The following TTN variants were observed in gnomAD, a reference collection of about 807,000 sequenced individuals.
TTN encodes titin.
TTN carries 1,525 observed loss-of-function variants against 3,223.0 expected under a neutral mutation model. The observed-to-expected ratio is 0.47, with a 90% CI of 0.45 to 0.49. The LOEUF is 0.49. TTN is among the 20% of genes least tolerant of loss of function. The probability of loss-of-function intolerance (pLI) is 0.00; values close to 1 mark genes in which losing one functional copy is unlikely to be tolerated. For synonymous variants in TTN, 14,094 were observed against 15,161.0 expected (o/e 0.93, Z 5.17); for missense variants, 40,786 against 43,424.0 (o/e 0.94, Z 5.40).
chr2:178,627,613 T>G (rs2059230659), intron 240 of TTN, among the ~76,000 whole-genome samples: 1 of 151,928 alleles, frequency 6.6e-6, no homozygotes, highest in African/African-American at 2.4e-5. Context: ...CCCTATAGAA[T>G]TATAGTAAAC....
rs794729465 is a variant in TTN at position 178,593,205 on chromosome 2, G to A, written c.59003C>T (p.Pro19668Leu). 36 of 1,613,258 alleles carry A rather than the reference G, an allele frequency of 2.2e-5. No homozygotes were observed. Among genetic ancestry groups the A allele is most frequent in the Non-Finnish European group, 3.0e-5 (35 of 1,179,602 alleles). Reference sequence around the variant, plus strand: ...ATCTTTAGCAAAGACTGGTTTGGATGGTGGGCTTGGATCTCCAATACCAAT... The same window carrying A: ...ATCTTTAGCAAAGACTGGTTTGGATAGTGGGCTTGGATCTCCAATACCAAT... ...NEIGIGDPSP[P>L]SKPVFAKDPI... The change falls in exon 299 of 363, where the codon CCA (proline) becomes CTA (leucine). Residue 19668 changes from proline to leucine, a missense_variant. Transcript: ENST00000589042.
intron 154 of TTN, 39 bp from the exon 155 acceptor site, chr2:178,672,306 A>G (rs2067147954): frequency 6.2e-7 from 1 of 1,605,130 alleles, no homozygotes; most frequent in Admixed American, 1.7e-5. Context: ...TTTTTTAAAC[A>G]CTGAAGAAAT....
At position 178,641,416 on chromosome 2, in the gene TTN, A is replaced by G. The variant is rs2061216749; in HGVS notation, c.40559-101T>C. 4.2e-6 allele frequency: 3 copies of G among 721,456 alleles called. 1 individual carries two copies. Among genetic ancestry groups the G allele is most frequent in the Admixed American group, 6.9e-5 (2 of 29,060 alleles). 44.7% of individuals were successfully genotyped at this position (721,456 alleles called of 1,614,324 possible). A position where few individuals can be genotyped will look rare whatever the true frequency, so the allele number is the denominator to read the frequency against. ...TAATGTACAAAGCAAGGAAAATGAAAAAAAGCATGCTACCTAGCACTCTGG... is the reference window on the plus strand; with the variant it reads ...TAATGTACAAAGCAAGGAAAATGAAGAAAAGCATGCTACCTAGCACTCTGG... On this transcript the variant is annotated intron_variant, in intron 219 of 362. Transcript: ENST00000589042.
intron 113 of TTN, among the ~76,000 whole-genome samples, chr2:178,696,631 C>G (rs961622760): frequency 7.9e-5 from 12 of 151,982 alleles, no homozygotes; most frequent in Non-Finnish European, 1.8e-4. Context: ...CATATTTATA[C>G]AGTTAACCTT....
Position 178,652,518 on chromosome 2 carries a change from C to A in TTN, c.39067G>T (p.Val13023Phe), listed in dbSNP as rs774402932. The change falls in exon 202 of 363, where the codon GTT becomes TTT. Residue 13023 changes from valine (V) to phenylalanine (F), a missense_variant. Val to Phe is a conservative substitution (Grantham distance 50, BLOSUM62 -1). Coordinates refer to ENST00000589042, the MANE Select transcript of TTN (RefSeq NM_001267550.2). ...GCCGCTGGCACTTTCTTTTCAGGAA[C>A]AACTTCTTTCGGAGCCTCTGGCACT... ...VKVPEAPKEVVPEKKVPAAPP... is the reference protein window; with the variant it reads ...VKVPEAPKEVFPEKKVPAAPP... 8.7e-6 allele frequency: 14 copies of A among 1,613,440 alleles called. No individual in the cohort carries two copies. In the African/African-American group the frequency reaches 1.2e-4, roughly 14 times the overall value.
rs2047865333 is a variant in TTN at position 178,581,933 on chromosome 2, T to C, written c.66436A>G (p.Lys22146Glu). The change falls in exon 315 of 363, where the codon AAG becomes GAG. Residue 22146 changes from lysine (K) to glutamate (E), a missense_variant. Physicochemically the swap from Lys to Glu is moderately conservative, Grantham distance 56. Transcript: ENST00000589042. Reference sequence around the variant, plus strand: ...TGAGGGTCCCGAGCATAAGCGGCCTTGGATGCGTCACTGGGTTTGCCTGGT... The same window carrying C: ...TGAGGGTCCCGAGCATAAGCGGCCTCGGATGCGTCACTGGGTTTGCCTGGT... ...AGPGKPSDAS[K>E]AAYARDPQYP... 1 of 1,613,132 alleles carries C rather than the reference T, an allele frequency of 6.2e-7. No homozygotes were observed. Among genetic ancestry groups the C allele is most frequent in the African/African-American group, 1.3e-5 (1 of 74,882 alleles).
chr2:178,591,192 G>C lies in TTN; in HGVS notation c.60533C>G (p.Pro20178Arg). ...AGGAGTAACATCCAGAATATTAATA[G>C]GACCTGTTGGTGGCCCAGGAACATC... Reference protein sequence around the residue: ...VLDVPGPPTGPINILDVTPEH... With the variant: ...VLDVPGPPTGRINILDVTPEH... The change falls in exon 304 of 363, where the codon CCT becomes CGT. Residue 20178 changes from proline (P) to arginine (R), a missense_variant. Coordinates refer to ENST00000589042, the MANE Select transcript of TTN (RefSeq NM_001267550.2). 6.2e-7 allele frequency: 1 copy of C among 1,613,376 alleles called. No individual in the cohort carries two copies. Among genetic ancestry groups the C allele is most frequent in the African/African-American group, 1.3e-5 (1 of 74,988 alleles).
At position 178,715,187 on chromosome 2, in the gene TTN, G is replaced by C; in HGVS notation, c.25999C>G (p.Gln8667Glu). 6.2e-7 allele frequency: 1 copy of C among 1,613,704 alleles called. No individual in the cohort carries two copies. ...GADVHLECEL[Q>E]GTPPFHVSWY... ...GAAACGTGAAATGGGGGAGTGCCCT[G>C]AAGCTCACATTCAAGGTGAACATCA... Residue 8667 changes from glutamine to glutamate, a missense_variant, in exon 90 of 363, where the codon CAG becomes GAG. Coordinates refer to ENST00000589042, the MANE Select transcript of TTN (RefSeq NM_001267550.2).
At position 178,789,409 on chromosome 2, in the gene TTN, C is replaced by A. The variant is rs564526675; in HGVS notation, c.2027G>T (p.Arg676Ile). ...AKEQETILRT[R>I]ETMATRQEQI... is the part of the protein sequence containing the mutation. ...TTCTTGTCTAGTAGCCATAGTTTCTCTAGTTCTCAGTATTGTTTCTTGTTC... is the reference window on the plus strand; with the variant it reads ...TTCTTGTCTAGTAGCCATAGTTTCTATAGTTCTCAGTATTGTTTCTTGTTC... Residue 676 changes from arginine to isoleucine, a missense_variant, in exon 13 of 363, where the codon AGA becomes ATA. Transcript: ENST00000589042. 1 of 1,613,528 alleles carries A rather than the reference C, an allele frequency of 6.2e-7. No homozygotes were observed. Among genetic ancestry groups the A allele is most frequent in the Non-Finnish European group, 8.5e-7 (1 of 1,179,560 alleles).
chr2:178,633,526 T>G lies in TTN; in HGVS notation c.42833A>C (p.Lys14278Thr). The change falls in exon 232 of 363, where the codon AAG becomes ACG. Residue 14278 changes from lysine to threonine, a missense_variant. Transcript: ENST00000589042. ...EIVPSPKYSIKADGLRRILKI... is the reference protein window; with the variant it reads ...EIVPSPKYSITADGLRRILKI... ...TAAGATGCGGCGCAGGCCATCTGCC[T>G]TGATAGAATATTTGGGTGAAGGGAC... 8 of 1,613,466 alleles carry G rather than the reference T, an allele frequency of 5.0e-6. No individual in the cohort carries two copies. The highest frequency in any genetic ancestry group is 6.8e-6 in the Non-Finnish European group (8 of 1,179,620).
At position 178,563,549 on chromosome 2, in the gene TTN, C is replaced by T. The variant is rs765230578; in HGVS notation, c.82583G>A (p.Arg27528Gln). 26 of 1,613,640 alleles carry T rather than the reference C, an allele frequency of 1.6e-5. No individual in the cohort carries two copies. The highest frequency in any genetic ancestry group is 2.2e-5 in the East Asian group (1 of 44,860). Residue 27528 changes from arginine (R) to glutamine (Q), a missense_variant, in exon 326 of 363, where the codon CGG becomes CAG. By Grantham distance (43) the Arg-to-Gln change is conservative (BLOSUM62 1). Transcript: ENST00000589042. This position sits in a 1 kb window ranked among gnomAD's most constrained non-coding sequence, Gnocchi z 4.5. The stretch of plus-strand genomic sequence containing the variant: ...TTCGGTAAGACCAGTTACCCTGAGC[C>T]GCAGATCCGTTAATGTTTTCTTGTT... ...KCNKKTLTDL[R>Q]LRVTGLTEGH...
At position 178,564,116 on chromosome 2, in the gene TTN, C is replaced by T; in HGVS notation, c.82016G>A (p.Cys27339Tyr). 6 of 1,613,764 alleles carry T rather than the reference C, an allele frequency of 3.7e-6. No homozygotes were observed. Among genetic ancestry groups the T allele is most frequent in the Non-Finnish European group, 4.2e-6 (5 of 1,179,736 alleles). ...IQKTTLVVKD[C>Y]IRTDGGQYIL... ...ATATTGTCCTCCATCAGTCCGTATA[C>T]AGTCTTTGACAACAAGAGTTGTTTT... Residue 27339 changes from cysteine to tyrosine, a missense_variant, in exon 326 of 363, where the codon TGT becomes TAT. Transcript: ENST00000589042.
rs752532543 is a variant in TTN at position 178,575,485 on chromosome 2, G to T, written c.70647C>A (p.Val23549=). The T allele has an allele frequency of 7.4e-6, 12 of 1,613,690 alleles. No individual in the cohort carries two copies. Among genetic ancestry groups the T allele is most frequent in the Non-Finnish European group, 1.0e-5 (12 of 1,179,664 alleles). ...GTTTGGGCTTAGGCCATGCCAGGCT[G>T]ACGGTGCTCTTAGTTATGTCCATGA... ...LNIMDITKST[V]SLAWPKPKHD... Residue 23549 remains valine (V), a synonymous_variant, in exon 326 of 363, where the codon GTC becomes GTA. Coordinates refer to ENST00000589042, the MANE Select transcript of TTN (RefSeq NM_001267550.2). The surrounding 1 kb of genome is among the most constrained non-coding windows in gnomAD (Gnocchi z 4.0).
In TTN at chr2:178,569,937, C is replaced by G. The variant is rs1179236670; in HGVS notation, c.76195G>C (p.Ala25399Pro). ...CCTGGTTTATAAATAGGATCACAAGCCTTTTGGTAAGCAGAAGGAGGGCTT... is the reference window on the plus strand; with the variant it reads ...CCTGGTTTATAAATAGGATCACAAGGCTTTTGGTAAGCAGAAGGAGGGCTT... ...EPSPPSAYQK[A>P]CDPIYKPGPP... Residue 25399 changes from alanine (A) to proline (P), a missense_variant, in exon 326 of 363, where the codon GCT becomes CCT. Ala to Pro is a conservative substitution (Grantham distance 27). Coordinates refer to ENST00000589042, the MANE Select transcript of TTN (RefSeq NM_001267550.2). 6.2e-7 allele frequency: 1 copy of G among 1,612,700 alleles called. No individual in the cohort carries two copies. Among genetic ancestry groups the G allele is most frequent in the African/African-American group, 1.3e-5 (1 of 74,848 alleles).
Position 178,732,999 on chromosome 2 carries a change from C to A in TTN, c.16177G>T (p.Asp5393Tyr). 6.2e-7 allele frequency: 1 copy of A among 1,613,570 alleles called. No homozygotes were observed. The highest frequency in any genetic ancestry group is 8.5e-7 in the Non-Finnish European group (1 of 1,179,754). Reference protein sequence around the residue: ...SLPMRVSWFKDGKEIAASDRY... With the variant: ...SLPMRVSWFKYGKEIAASDRY... ...TCAGAAGCAGCTATTTCTTTGCCAT[C>A]CTTAAACCAGGACACCCTCATGGGG... The change falls in exon 55 of 363, where the codon GAT becomes TAT. Residue 5393 changes from aspartate (D) to tyrosine (Y), a missense_variant. By Grantham distance (160) the Asp-to-Tyr change is radical. Coordinates refer to ENST00000589042, the MANE Select transcript of TTN (RefSeq NM_001267550.2).
chr2:178,718,498 C>T lies in TTN; in HGVS notation c.24608G>A (p.Ser8203Asn). Residue 8203 changes from serine to asparagine, a missense_variant, in exon 85 of 363, where the codon AGC becomes AAC. Physicochemically the swap from Ser to Asn is conservative, Grantham distance 46. Coordinates refer to ENST00000589042, the MANE Select transcript of TTN (RefSeq NM_001267550.2). ...TYTGTPPISV[S>N]WIKDEYLISQ... The stretch of plus-strand genomic sequence containing the variant: ...AATAAGATACTCGTCCTTTATCCAG[C>T]TCACTGAGATTGGAGGTGTGCCAGT... 1 of 1,613,704 alleles carries T rather than the reference C, an allele frequency of 6.2e-7. No individual in the cohort carries two copies. The highest frequency in any genetic ancestry group is 8.5e-7 in the Non-Finnish European group (1 of 1,179,746).
rs775539969 is a variant in TTN at position 178,784,300 on chromosome 2, T to C, written c.2545A>G (p.Thr849Ala). Residue 849 changes from threonine to alanine, a missense_variant, in exon 16 of 363, where the codon ACA (threonine) becomes GCA (alanine). Physicochemically the swap from Thr to Ala is moderately conservative, Grantham distance 58 (BLOSUM62 0). Transcript: ENST00000589042. ...TTGGTGATCTTCTGAGCAGAAGATG[T>C]GGCTGACAACTCTTTTTGTAATGTG... Reference protein sequence around the residue: ...IATLQKELSATSSAQKITKSV... With the variant: ...IATLQKELSAASSAQKITKSV... 13 of 1,614,140 alleles carry C rather than the reference T, an allele frequency of 8.1e-6. No homozygotes were observed. The East Asian group carries it at 8.9e-5, about 11-fold the overall frequency.
At position 178,630,346 on chromosome 2, in the gene TTN, C is replaced by T. The variant is rs767831350; in HGVS notation, c.44176G>A (p.Gly14726Ser). ...TGCAAAACAAGGGAGTGTATTTTGC[C>T]TTCTTCCTTAATTTCACAATCCTGT... Reference protein sequence around the residue: ...QTPDCEIKEEGKIHSLVLHNC... With the variant: ...QTPDCEIKEESKIHSLVLHNC... Residue 14726 changes from glycine to serine, a missense_variant, in exon 239 of 363, where the codon GGC becomes AGC. Coordinates refer to ENST00000589042, the MANE Select transcript of TTN (RefSeq NM_001267550.2). The T allele has an allele frequency of 3.1e-6, 5 of 1,609,824 alleles. No homozygotes were observed. The highest frequency in any genetic ancestry group is 2.7e-5 in the African/African-American group (2 of 74,682).
Position 178,566,954 on chromosome 2 carries a change from A to G in TTN, c.79178T>C (p.Leu26393Ser), listed in dbSNP as rs745768515. 4 of 1,613,596 alleles carry G rather than the reference A, an allele frequency of 2.5e-6. No homozygotes were observed. The highest frequency in any genetic ancestry group is 1.7e-4 in the Middle Eastern group (1 of 6,058). ...PFVLPGPPKS[L>S]EVTNIAKDSM... ...GTCTTTGGCAATATTTGTGACTTCC[A>G]AGCTTTTTGGTGGTCCAGGAAGCAC... The change falls in exon 326 of 363, where the codon TTG (leucine) becomes TCG (serine). Residue 26393 changes from leucine (L) to serine (S), a missense_variant. Physicochemically the swap from Leu to Ser is moderately radical, Grantham distance 145. Transcript: ENST00000589042.
Sources: allele counts gnomAD v4.1 joint callset (sites outside exome capture counted in the v4.1 genomes callset), GRCh38; gene constraint gnomAD v4.1.1; non-coding constraint Gnocchi (gnomAD v3.1); transcripts MANE v1.5; gene names NCBI Gene and HGNC (gene_info 2026-07-23, HGNC 2026-07-21).